The following ATR variants were observed in gnomAD, a reference collection of about 807,000 sequenced individuals.
ATR encodes the protein ATR checkpoint kinase.
Under a neutral mutation model 305.3 loss-of-function variants are expected in ATR, and 142 were observed. The observed-to-expected ratio is 0.47, with a 90% confidence interval of 0.41 to 0.53. The LOEUF (loss-of-function observed/expected upper bound fraction) is 0.53. Among genes scored for constraint, ATR ranks in the 20% least tolerant of loss-of-function variants. ATR has a pLI of 0.00. For synonymous variants in ATR, 1,050 were observed against 1,068.1 expected (o/e 0.98, Z 0.33); for missense variants, 2,135 against 3,133.1 (o/e 0.68, Z 7.60).
Position 142,549,494 on chromosome 3 carries a change from G to A in ATR, c.3156C>T (p.Ala1052=), listed in dbSNP as rs2108454674. The A allele has an allele frequency of 6.3e-7, 1 of 1,595,464 alleles. No individual in the cohort carries two copies. The highest frequency in any genetic ancestry group is 2.2e-5 in the East Asian group (1 of 44,486). Residue 1052 remains alanine, a synonymous_variant, in exon 15 of 47, where the codon GCC becomes GCT. Transcript: ENST00000350721. ...ATTCAATTACCTTCAGATAATGAAG[G>A]GCACGTTCTAATTCATCTTTGGAAC... ...CSCSKDELER[A]LHYLKNETEI... is the part of the protein sequence containing the mutation.
chr3:142,540,561 C>T (rs986157475), intron 18 of ATR, among the ~76,000 whole-genome samples: 1 of 151,918 alleles, frequency 6.6e-6, no homozygotes, highest in Admixed American at 6.6e-5. Flanking sequence ...AAAGTATTTA[C>T]AAGCACAATG....
intron 1 of ATR, among the ~76,000 whole-genome samples, chr3:142,569,770 T>C (rs1041266667): frequency 6.6e-6 from 1 of 151,686 alleles, no homozygotes; most frequent in African/African-American, 2.4e-5. Context: ...CCTCAGCCTC[T>C]CAAGTAGCTG....
intron 41 of ATR, among the ~76,000 whole-genome samples, chr3:142,464,292 A>T (rs750794989): frequency 6.6e-6 from 1 of 151,738 alleles, no homozygotes; most frequent in Non-Finnish European, 1.5e-5. Flanking sequence ...TGCCTGGCTA[A>T]TTTTTTTTAT....
intron 36 of ATR, among the ~76,000 whole-genome samples, chr3:142,480,927 C>T (rs945987608): frequency 5.3e-5 from 8 of 152,204 alleles, no homozygotes; most frequent in African/African-American, 1.7e-4. Flanking sequence ...TTTGCTAAGA[C>T]CATTGGAAAA....
Position 142,560,273 on chromosome 3 carries a change from T to G in ATR, c.1531A>C (p.Asn511His). 1 of 1,613,786 alleles carries G rather than the reference T, an allele frequency of 6.2e-7. No homozygotes were observed. ...AGAAGTTTGTTTTACCAGTTCATGT[T>G]TTGATGAGAACAATGAACAGTACAC... Reference protein sequence around the residue: ...ALCTVHCSHQNMNCRTFKDCQ... With the variant: ...ALCTVHCSHQHMNCRTFKDCQ... Residue 511 changes from asparagine to histidine, a missense_variant, in exon 6 of 47, where the codon AAC becomes CAC. Coordinates refer to ENST00000350721, the MANE Select transcript of ATR (RefSeq NM_001184.4).
At chr3:142,528,880 T>TATATATATATATATA (rs1491576068) in intron 21 of ATR, among the ~76,000 whole-genome samples, 22 of 38,576 alleles carry the variant, frequency 5.7e-4, no homozygotes, top group African/African-American at 3.6e-3. Flanking sequence ...TATATATATA[T>TATATATATATATATA]TTTTTTTTTT....
intron 17 of ATR, among the ~76,000 whole-genome samples, chr3:142,542,423 G>A (rs1316768559): frequency 1.3e-5 from 2 of 152,166 alleles, no homozygotes; most frequent in Non-Finnish European, 2.9e-5. Flanking sequence ...TACGCTTTTA[G>A]TAACACAGCC....
chr3:142,531,613 C>T (rs1234463915), intron 21 of ATR, among the ~76,000 whole-genome samples: 1 of 152,164 alleles, frequency 6.6e-6, no homozygotes, highest in Non-Finnish European at 1.5e-5. Flanking sequence ...GCATAGTATT[C>T]CATGGGGTAT....
At chr3:142,563,373 T>C (rs1405841358) in intron 3 of ATR, among the ~76,000 whole-genome samples, 2 of 152,252 alleles carry the variant, frequency 1.3e-5, no homozygotes, top group African/African-American at 2.4e-5. Flanking sequence ...TCCAATAGCA[T>C]GTGGTCACTT....
rs769665093 is a variant in ATR at position 142,493,318 on chromosome 3, G to A, written c.5899-7C>T. The A allele has an allele frequency of 1.9e-6, 3 of 1,605,914 alleles. No homozygotes were observed. The Admixed American group carries it at 5.1e-5, about 27-fold the overall frequency. The stretch of plus-strand genomic sequence containing the variant: ...GTGCCTGGTGAACATCACCCTAAAA[G>A]AAAAAAGGCAACAATAAGCCTTTTA... On this transcript the variant is annotated splice_region_variant and splice_polypyrimidine_tract_variant and intron_variant, in intron 34 of 46. Coordinates refer to ENST00000350721, the MANE Select transcript of ATR (RefSeq NM_001184.4).
In ATR at chr3:142,489,897, A is replaced by T. The variant is rs529666609; in HGVS notation, c.6078+3235T>A. 5.3e-5 allele frequency among the ~76,000 whole-genome samples: 8 copies of T among 152,348 alleles called. No homozygotes were observed. The South Asian group carries it at 1.2e-3, about 24-fold the overall frequency. Reference sequence around the variant, plus strand: ...ATTTATTGCATTAATAGGTATTGCTAGTCTTTCAGACTTTAGCCATTTTAG... The same window carrying T: ...ATTTATTGCATTAATAGGTATTGCTTGTCTTTCAGACTTTAGCCATTTTAG... On this transcript the variant is annotated intron_variant, in intron 35 of 46. Transcript: ENST00000350721.
rs771353049 is a variant in ATR at position 142,508,094 on chromosome 3, T to C, written c.4868A>G (p.Tyr1623Cys). ...ACGGGTTACACTCTGATAGTCTTCA[T>C]AATCCACAGTAGATACTAGATCATA... ...KVDSMVSTVD[Y>C]EDYQSVTRFL... The change falls in exon 28 of 47, where the codon TAT becomes TGT. Residue 1623 changes from tyrosine to cysteine, a missense_variant. By Grantham distance (194) the Tyr-to-Cys change is radical. Around this residue, in one of 9 missense-constraint regions of ATR, gnomAD observed 202 missense variants for 252.9 expected, o/e 0.80. Transcript: ENST00000350721. The C allele has an allele frequency of 1.2e-6, 2 of 1,612,398 alleles. No homozygotes were observed. Among genetic ancestry groups the C allele is most frequent in the East Asian group, 4.5e-5 (2 of 44,826 alleles).
intron 1 of ATR, among the ~76,000 whole-genome samples, chr3:142,569,416 C>G (rs1319664674): frequency 6.6e-6 from 1 of 152,088 alleles, no homozygotes; most frequent in African/African-American, 2.4e-5. Context: ...AACCTCCCAG[C>G]CTCAGGAGAT....
At chr3:142,543,951 G>GT (rs764750186) in intron 16 of ATR, among the ~76,000 whole-genome samples, 7 of 152,114 alleles carry the variant, frequency 4.6e-5, no homozygotes, top group Non-Finnish European at 1.0e-4. Context: ...GATTTCAGGT[G>GT]TAAGCCACTG....
rs528617615 is a variant in ATR at position 142,557,153 on chromosome 3, ATTTC to A, written c.1886-582_1886-579del. ...GTCTGGGTGGAGCATAAGATTCCCC[ATTTC>A]TTTCTTTCTCTCTCTTTTTTTTTAA... On this transcript the variant is annotated intron_variant, in intron 8 of 46. Transcript: ENST00000350721. Among the ~76,000 whole-genome samples, 65 of 152,008 alleles carry A rather than the reference ATTTC, an allele frequency of 4.3e-4. 1 individual carries two copies. The South Asian group carries it at 0.012, about 27-fold the overall frequency.
chr3:142,513,904 A>G (rs897058363), intron 25 of ATR, among the ~76,000 whole-genome samples: 14 of 152,182 alleles, frequency 9.2e-5, no homozygotes, highest in Admixed American at 7.2e-4. Context: ...AAAACCCATA[A>G]TATTCCAGAG....
intron 2 of ATR, among the ~76,000 whole-genome samples, chr3:142,567,058 A>T (rs1388772044): frequency 6.6e-6 from 1 of 152,200 alleles, no homozygotes; most frequent in Non-Finnish European, 1.5e-5. Context: ...CTACAGTCTT[A>T]TCTAATTTTA....
In ATR at chr3:142,558,523, AAAATAAATAAATAAATAAAT is replaced by A. The variant is rs56661838; in HGVS notation, c.1885+81_1885+100del. 32 of 731,336 alleles carry A rather than the reference AAAATAAATAAATAAATAAAT, an allele frequency of 4.4e-5. 3 individuals are homozygous for A. In the South Asian group the frequency reaches 1.0e-3, roughly 23 times the overall value. 45.3% of individuals were successfully genotyped at this position (731,336 alleles called of 1,614,324 possible). On this transcript the variant is annotated intron_variant, in intron 8 of 46. Transcript: ENST00000350721. ...GGCGACAGAGTAAGACTCCGTCTCA[AAAATAAATAAATAAATAAAT>A]AAATAAATAAATAAATAGATAGATA...
intron 16 of ATR, among the ~76,000 whole-genome samples, chr3:142,543,710 C>T (rs899215156): frequency 9.2e-5 from 14 of 151,858 alleles, no homozygotes; most frequent in African/African-American, 3.1e-4. Context: ...GTCTCTGTCA[C>T]CTAGGCTGAA....
Sources: gnomAD v4.1 joint callset for allele counts (sites outside exome capture counted in the v4.1 genomes callset) on GRCh38, gnomAD v4.1.1 for gene constraint, gnomAD v4.1.1 regional missense constraint, MANE v1.5 for transcripts, NCBI Gene and HGNC (gene_info 2026-07-23, HGNC 2026-07-21) for gene names.